Variants in TRPM3 observed in about 807,000 individuals in gnomAD.
TRPM3 encodes long transient receptor potential channel 3.
A neutral mutation model predicts 181.2 loss-of-function variants in TRPM3; 77 were observed. The observed-to-expected ratio is 0.42, with a 90% CI of 0.35 to 0.51. The LOEUF is 0.51. Ranked by LOEUF, TRPM3 falls within the 20% of genes least tolerant of loss-of-function variation. The pLI is 0.01. For missense variants in TRPM3, 1,759 were observed against 2,196.7 expected (o/e 0.80, Z 3.98); for synonymous variants, 745 against 796.4 (o/e 0.94, Z 1.09).
chr9:70,931,487 C>T (rs1444544208), intron 1 of TRPM3, among the ~76,000 whole-genome samples: 1 of 151,792 alleles, frequency 6.6e-6, no homozygotes, highest in African/African-American at 2.4e-5. Flanking sequence ...GAGTTGTATA[C>T]AAAGATATAT....
chr9:70,961,946 A>G (rs769333358), intron 1 of TRPM3, among the ~76,000 whole-genome samples: 2 of 152,214 alleles, frequency 1.3e-5, no homozygotes, highest in African/African-American at 2.4e-5. Context: ...TTGAATTAGC[A>G]TCATAGAATG....
chr9:70,651,965 A>G (rs967343420), intron 9 of TRPM3, among the ~76,000 whole-genome samples: 1 of 152,152 alleles, frequency 6.6e-6, no homozygotes, highest in Non-Finnish European at 1.5e-5. Flanking sequence ...AGGAAGGAGG[A>G]AGACCCTTCA....
chr9:70,859,784 C>T (rs2095478849), intron 3 of TRPM3, among the ~76,000 whole-genome samples: 2 of 152,138 alleles, frequency 1.3e-5, no homozygotes, highest in Non-Finnish European at 2.9e-5. Context: ...TAATAGCACA[C>T]CCATGGCAGC....
At chr9:70,793,950 G>C (rs2086324365) in intron 6 of TRPM3, among the ~76,000 whole-genome samples, 2 of 152,118 alleles carry the variant, frequency 1.3e-5, no homozygotes, top group African/African-American at 4.8e-5. Context: ...AAGTAAGCTA[G>C]GCTGTGCTAC....
chr9:70,583,836 T>C (rs2056536807), intron 22 of TRPM3, among the ~76,000 whole-genome samples: 1 of 152,234 alleles, frequency 6.6e-6, no homozygotes, highest in Admixed American at 6.5e-5. Context: ...CTTAAAACTC[T>C]GGCTAAGTTA....
intron 1 of TRPM3, among the ~76,000 whole-genome samples, chr9:71,127,396 G>A (rs662975): frequency 0.47 from 70,588 of 151,560 alleles, 16,570 homozygotes; most frequent in South Asian, 0.5. Context: ...CGGGCTAATG[G>A]AAAGCTCATG....
intron 1 of TRPM3, among the ~76,000 whole-genome samples, chr9:71,226,194 A>C (rs1433989402): frequency 6.6e-6 from 1 of 152,032 alleles, no homozygotes; most frequent in Non-Finnish European, 1.5e-5. Flanking sequence ...ATACACAAAA[A>C]ATAAAAAGCA....
chr9:71,293,160 G>T (rs1588334556), intron 1 of TRPM3, among the ~76,000 whole-genome samples: 1 of 150,532 alleles, frequency 6.6e-6, no homozygotes, highest in Non-Finnish European at 1.5e-5. Context: ...TTGATAAAGG[G>T]TATCTACAAA....
At chr9:70,603,314 T>C in intron 20 of TRPM3, 28 bp downstream of exon 20, 3 of 1,606,662 alleles carry the variant, frequency 1.9e-6, no homozygotes, top group East Asian at 2.2e-5. Flanking sequence ...TGTCTTTCTC[T>C]TACGTTTTCT....
chr9:71,043,938 C>A (rs1002487066), intron 1 of TRPM3, among the ~76,000 whole-genome samples: 1 of 152,124 alleles, frequency 6.6e-6, no homozygotes, highest in East Asian at 1.9e-4. Flanking sequence ...TGCATCATGT[C>A]GCATCACTCC....
intron 1 of TRPM3, among the ~76,000 whole-genome samples, chr9:71,023,232 AAAG>A (rs2134537616): frequency 6.6e-6 from 1 of 152,334 alleles, no homozygotes; most frequent in African/African-American, 2.4e-5. Flanking sequence ...AAGCACATGA[AAAG>A]ATGTTCAAAC....
At chr9:71,165,043 A>G (rs2076470720) in intron 1 of TRPM3, among the ~76,000 whole-genome samples, 1 of 152,118 alleles carries the variant, frequency 6.6e-6, no homozygotes, top group Non-Finnish European at 1.5e-5. Context: ...CTTGTGTCTT[A>G]TTGTCTTTAC....
chr9:70,549,975 C>A (rs533114746), intron 24 of TRPM3, among the ~76,000 whole-genome samples: 1 of 152,146 alleles, frequency 6.6e-6, no homozygotes, highest in African/African-American at 2.4e-5. Flanking sequence ...GAAAGGGAAG[C>A]TATTCAGAGC....
chr9:70,921,112 T>C (rs1269993937), intron 1 of TRPM3, among the ~76,000 whole-genome samples: 1 of 152,202 alleles, frequency 6.6e-6, no homozygotes, highest in Non-Finnish European at 1.5e-5. Flanking sequence ...CATGCTCACG[T>C]CCTCTTCATT....
chr9:71,029,287 A>G (rs2056985047), intron 1 of TRPM3, among the ~76,000 whole-genome samples: 1 of 152,184 alleles, frequency 6.6e-6, no homozygotes, highest in South Asian at 2.1e-4. Context: ...GATTCCAGAT[A>G]AAGAACTCTT....
At chr9:70,575,016 A>G (rs960043343) in intron 22 of TRPM3, among the ~76,000 whole-genome samples, 10 of 150,428 alleles carry the variant, frequency 6.6e-5, no homozygotes, top group African/African-American at 2.5e-4. Flanking sequence ...ATCACAGCTC[A>G]CTGCAGCCTC....
intron 22 of TRPM3, among the ~76,000 whole-genome samples, chr9:70,556,548 C>T (rs935727579): frequency 4.6e-5 from 7 of 152,032 alleles, no homozygotes; most frequent in African/African-American, 1.7e-4. Flanking sequence ...ATGGCAAAAC[C>T]CTGTCTCTAT....
intron 1 of TRPM3, among the ~76,000 whole-genome samples, chr9:71,207,098 C>T (rs886160350): frequency 2.6e-5 from 4 of 152,000 alleles, no homozygotes; most frequent in Non-Finnish European, 5.9e-5. Flanking sequence ...CAATGTTATA[C>T]ATCTGGTAAC....
intron 1 of TRPM3, among the ~76,000 whole-genome samples, chr9:70,974,410 G>T (rs2097279843): frequency 7.6e-6 from 1 of 131,880 alleles, no homozygotes; most frequent in Non-Finnish European, 1.7e-5. Flanking sequence ...GTGGTGGCGG[G>T]CTCCTGTAGT....
Sources: gnomAD v4.1 joint callset for allele counts (sites outside exome capture counted in the v4.1 genomes callset) on GRCh38, gnomAD v4.1.1 for gene constraint, MANE v1.5 for transcripts, NCBI Gene and HGNC (gene_info 2026-07-23, HGNC 2026-07-21) for gene names.